The following MYO18A variants were observed in gnomAD, a reference collection of about 807,000 sequenced individuals.
The protein encoded by MYO18A is myosin XVIIIA.
A neutral mutation model predicts 235.8 loss-of-function variants in MYO18A; 78 were observed. The observed-to-expected ratio is 0.33, with a 90% CI of 0.28 to 0.40. The LOEUF (loss-of-function observed/expected upper bound fraction) is 0.40, where lower values mean the gene tolerates loss of function less well. MYO18A is among the 10% of genes least tolerant of loss of function. The probability of loss-of-function intolerance (pLI) is 1.00; values close to 1 mark genes in which losing one functional copy is unlikely to be tolerated. For missense variants in MYO18A, 2,215 were observed against 2,699.3 expected, an observed-to-expected ratio of 0.82 and a Z score of 3.98; for synonymous variants, 977 against 1,077.8, an observed-to-expected ratio of 0.91 and a Z score of 1.83.
Position 29,121,424 on chromosome 17 carries a change from C to T in MYO18A, c.1371+123G>A, listed in dbSNP as rs2067197068. On this transcript the variant is annotated intron_variant, in intron 5 of 41. Transcript: ENST00000527372. This position sits in a 1 kb window ranked among gnomAD's most constrained non-coding sequence, Gnocchi z 4.2. ...CTGTCCCCCATCTCTTGAAATGACT[C>T]CTCTTCCCAAGGTCAACTGTGAGAG... 2.5e-6 allele frequency: 3 copies of T among 1,189,090 alleles called. No homozygotes were observed. In the South Asian group the frequency reaches 4.7e-5, roughly 19 times the overall value. 73.7% of individuals were successfully genotyped at this position (1,189,090 alleles called of 1,614,324 possible). A position where few individuals can be genotyped will look rare whatever the true frequency, so the allele number is the denominator to read the frequency against.
At chr17:29,138,838 T>C (rs569436181) in intron 2 of MYO18A, among the ~76,000 whole-genome samples, 23 of 152,154 alleles carry the variant, frequency 1.5e-4, no homozygotes, top group Non-Finnish European at 2.6e-4. Context: ...TGCCCTCCAT[T>C]TCCCCTGGTT....
At chr17:29,131,488 AC>A (rs1322160295) in intron 2 of MYO18A, 70 of 937,508 alleles carry the variant, frequency 7.5e-5, no homozygotes, top group Non-Finnish European at 8.8e-5. Flanking sequence ...AGGCTGGGAG[AC>A]CCAGCACTAA....
intron 14 of MYO18A, 112 bp downstream of exon 14, chr17:29,114,795 C>T (rs1452243656): frequency 8.5e-7 from 1 of 1,177,770 alleles, no homozygotes; most frequent in African/African-American, 1.5e-5. Flanking sequence ...CCAGAGAGCG[C>T]AGGAGGACAG....
At chr17:29,163,427 G>T (rs1335127059) in intron 2 of MYO18A, among the ~76,000 whole-genome samples, 1 of 152,210 alleles carries the variant, frequency 6.6e-6, no homozygotes, top group Non-Finnish European at 1.5e-5. Context: ...TCCTTATCCT[G>T]CCACATGGCT....
At chr17:29,098,036 G>T (rs1435896185) in intron 25 of MYO18A, 69 bp downstream of exon 25, 3 of 1,593,414 alleles carry the variant, frequency 1.9e-6, no homozygotes, top group Non-Finnish European at 2.6e-6. Flanking sequence ...ACTGTCTTTG[G>T]GGGGAGCCAA....
At chr17:29,104,880 G>A (rs2066743154) in intron 20 of MYO18A, among the ~76,000 whole-genome samples, 1 of 152,044 alleles carries the variant, frequency 6.6e-6, no homozygotes, top group Admixed American at 6.6e-5. Flanking sequence ...GTAACAGAGG[G>A]ATAGTAAAGT....
In MYO18A at chr17:29,117,184, G is replaced by A. The variant is rs1659145238; in HGVS notation, c.2039-729C>T. 2.6e-5 allele frequency among the ~76,000 whole-genome samples: 4 copies of A among 152,176 alleles called. No homozygotes were observed. The highest frequency in any genetic ancestry group is 2.0e-4 in the Admixed American group (3 of 15,282). On this transcript the variant is annotated intron_variant, in intron 10 of 41. Transcript: ENST00000527372. The surrounding 1 kb of genome is among the most constrained non-coding windows in gnomAD (Gnocchi z 4.6). ...TCCCTAAACTGGAGAAAAAGGGGGT[G>A]AAGAGGTGCTCGAATCGCCATCCTC...
chr17:29,103,666 T>A lies in MYO18A; in HGVS notation c.3442-2A>T. ...GCACTCCAGCAGCTCCTCCACTGCC[T>A]GTGGAGAGAGGCCTCTGTCAGGCAG... On this transcript the variant is annotated splice_acceptor_variant, in intron 20 of 41. Transcript: ENST00000527372. LOFTEE classifies it high-confidence loss of function. 1 of 1,613,562 alleles carries A rather than the reference T, an allele frequency of 6.2e-7. No homozygotes were observed. Among genetic ancestry groups the A allele is most frequent in the Admixed American group, 1.7e-5 (1 of 60,026 alleles).
At chr17:29,139,524 G>A (rs766403264) in intron 2 of MYO18A, among the ~76,000 whole-genome samples, 4 of 152,038 alleles carry the variant, frequency 2.6e-5, no homozygotes, top group East Asian at 1.9e-4. Context: ...AAGTACTCAC[G>A]GGTACATCTC....
At chr17:29,105,241 GAGA>G (rs1388714205) in intron 20 of MYO18A, among the ~76,000 whole-genome samples, 1 of 151,046 alleles carries the variant, frequency 6.6e-6, no homozygotes, top group Non-Finnish European at 1.5e-5. Context: ...CGTGAGGGAT[GAGA>G]AGACCAGTGC....
At chr17:29,075,011 C>T in intron 41 of MYO18A, 97 bp from the exon 42 acceptor site, 2 of 1,471,142 alleles carry the variant, frequency 1.4e-6, no homozygotes, top group Non-Finnish European at 1.9e-6. Context: ...TGCGTCAGAG[C>T]ACTCCCCAAA....
At chr17:29,110,236 C>A (rs1341523387) in intron 18 of MYO18A, 135 bp from the exon 19 acceptor site, 29 of 1,364,608 alleles carry the variant, frequency 2.1e-5, no homozygotes, top group Non-Finnish European at 2.7e-5. Flanking sequence ...TAAACCTGGA[C>A]AACTCTGCCC....
intron 2 of MYO18A, among the ~76,000 whole-genome samples, chr17:29,159,677 G>C (rs2068131687): frequency 6.6e-6 from 1 of 152,186 alleles, no homozygotes; most frequent in Non-Finnish European, 1.5e-5. Flanking sequence ...CTGGAGGCAA[G>C]ACCATTTTGA....
Position 29,115,737 on chromosome 17 carries a change from G to T in MYO18A, c.2154C>A (p.His718Gln), listed in dbSNP as rs772911855. ...TGGAGCGCTGCAGGGTGCCACCCTTGTGCTGGTGCTTGAAGATGGCTGAGG... is the reference window on the plus strand; with the variant it reads ...TGGAGCGCTGCAGGGTGCCACCCTTTTGCTGGTGCTTGAAGATGGCTGAGG... ...ELSSAIFKHQ[H>Q]KGGTLQRSTS... Residue 718 changes from histidine (H) to glutamine (Q), a missense_variant, in exon 12 of 42, where the codon CAC becomes CAA. Transcript: ENST00000527372. 1 of 1,602,570 alleles carries T rather than the reference G, an allele frequency of 6.2e-7. No individual in the cohort carries two copies.
At position 29,166,196 on chromosome 17, in the gene MYO18A, C is replaced by T; in HGVS notation, c.745G>A (p.Ala249Thr). The T allele has an allele frequency of 6.2e-7, 1 of 1,612,798 alleles. No homozygotes were observed. The highest frequency in any genetic ancestry group is 1.6e-4 in the Middle Eastern group (1 of 6,062). ...TMLDRGPEGQ[A>T]CRRVVHFAEP... ...GCAAAGTGGACCACACGCCGACAGG[C>T]CTGGCCCTCGGGGCCCCGATCCAGC... Residue 249 changes from alanine (A) to threonine (T), a missense_variant, in exon 2 of 42, where the codon GCC becomes ACC. Ala to Thr is a moderately conservative substitution (Grantham distance 58). Coordinates refer to ENST00000527372, the MANE Select transcript of MYO18A (RefSeq NM_078471.4).
At position 29,125,031 on chromosome 17, in the gene MYO18A, G is replaced by A. The variant is rs981560337; in HGVS notation, c.1000-2778C>T. On this transcript the variant is annotated intron_variant, in intron 2 of 41. Transcript: ENST00000527372. This position sits in a 1 kb window ranked among gnomAD's most constrained non-coding sequence, Gnocchi z 5.1. ...CTGGGCTGGCCATCCGGTCTATTCT[G>A]AATCAGGCTCCCTCTTCTGTGTGTC... Among the ~76,000 whole-genome samples, 1 of 152,172 alleles carries A rather than the reference G, an allele frequency of 6.6e-6. No homozygotes were observed. The highest frequency in any genetic ancestry group is 2.4e-5 in the African/African-American group (1 of 41,424).
chr17:29,128,576 C>A (rs987824221), intron 2 of MYO18A: 1 of 1,204,648 alleles, frequency 8.3e-7, no homozygotes. Flanking sequence ...TAGACATTAG[C>A]ATCACCCCTG....
intron 2 of MYO18A, among the ~76,000 whole-genome samples, chr17:29,165,074 C>T (rs1299633317): frequency 6.6e-6 from 1 of 152,206 alleles, no homozygotes; most frequent in South Asian, 2.1e-4. Context: ...CCAACTGTGA[C>T]TTACAAGGTC....
At chr17:29,101,182 G>C (rs920462021) in intron 21 of MYO18A, among the ~76,000 whole-genome samples, 1 of 151,474 alleles carries the variant, frequency 6.6e-6, no homozygotes, top group Non-Finnish European at 1.5e-5. Context: ...ATTTTTTGTA[G>C]AGATGGGGTC....
Sources: gnomAD v4.1 joint callset for allele counts (sites outside exome capture counted in the v4.1 genomes callset) on GRCh38, gnomAD v4.1.1 for gene constraint, Gnocchi (gnomAD v3.1) non-coding constraint, MANE v1.5 for transcripts, NCBI Gene and HGNC (gene_info 2026-07-23, HGNC 2026-07-21) for gene names.